Variants in GTF3C3 observed in about 807,000 individuals in gnomAD.
GTF3C3 encodes general transcription factor 3C polypeptide 3.
In GTF3C3, 75 loss-of-function variants were observed where a neutral mutation model predicts 105.2. That is an observed-to-expected ratio of 0.71 (90% CI 0.59 to 0.86). The LOEUF (loss-of-function observed/expected upper bound fraction) is 0.86, where lower values mean the gene tolerates loss of function less well. GTF3C3 is among the 40% of genes least tolerant of loss of function. GTF3C3 has a pLI of 0.00. For synonymous variants in GTF3C3, 335 were observed against 370.4 expected, an observed-to-expected ratio of 0.90 and a Z score of 1.10; for missense variants, 856 against 1,076.5, an observed-to-expected ratio of 0.80 and a Z score of 2.87.
At chr2:196,768,564 G>C (rs1402134819) in intron 16 of GTF3C3, among the ~76,000 whole-genome samples, 1 of 151,964 alleles carries the variant, frequency 6.6e-6, no homozygotes, top group African/African-American at 2.4e-5. Context: ...CTTGTAGCAA[G>C]AAGAAAGAAA....
chr2:196,797,960 T>C (rs561831742), intron 1 of GTF3C3, 52 bp from the exon 2 acceptor site: 1 of 1,021,154 alleles, frequency 9.8e-7, no homozygotes. Flanking sequence ...GACTTAGCTC[T>C]CCCCAGCCAC....
chr2:196,775,653 C>A (rs942634568), intron 12 of GTF3C3, among the ~76,000 whole-genome samples: 5 of 152,182 alleles, frequency 3.3e-5, no homozygotes, highest in Admixed American at 1.3e-4. Context: ...CCCAGAGATA[C>A]ACCCACAGAG....
intron 4 of GTF3C3, 135 bp downstream of exon 4, chr2:196,791,202 G>C (rs890074248): frequency 4.5e-6 from 3 of 659,736 alleles, no homozygotes; most frequent in Non-Finnish European, 7.4e-6. Context: ...CTTGTGAAAA[G>C]TGGCAATTAC....
rs995246295 is a variant in GTF3C3 at position 196,764,100 on chromosome 2, A to ATTT, written c.*460_*462dup. The stretch of plus-strand genomic sequence containing the variant: ...GCCTACCACATAACTATTTTAAATA[A>ATTT]TTTTCTTAGGTGCTTAGTTATCATG... On this transcript the variant is annotated 3_prime_UTR_variant, in exon 18 of 18. Coordinates refer to ENST00000263956, the MANE Select transcript of GTF3C3 (RefSeq NM_012086.5). 6.6e-6 allele frequency: 1 copy of ATTT among 152,236 alleles called. No individual in the cohort carries two copies. Among genetic ancestry groups the ATTT allele is most frequent in the African/African-American group, 2.4e-5 (1 of 41,456 alleles). The allele number at this position is 152,236 out of a possible 1,614,324, so 9.4% of individuals were successfully genotyped here. A position where few individuals can be genotyped will look rare whatever the true frequency, so the allele number is the denominator to read the frequency against.
intron 15 of GTF3C3, among the ~76,000 whole-genome samples, chr2:196,771,112 CTTT>C (rs752960909): frequency 2.0e-5 from 3 of 151,830 alleles, no homozygotes; most frequent in African/African-American, 7.2e-5. Flanking sequence ...TTTGCTTCTT[CTTT>C]AATTTTTTTT....
chr2:196,771,521 C>A (rs538151276), intron 15 of GTF3C3, among the ~76,000 whole-genome samples: 9 of 152,100 alleles, frequency 5.9e-5, no homozygotes, highest in Non-Finnish European at 1.2e-4. Flanking sequence ...ACTATATGTG[C>A]CAGGCACTGT....
chr2:196,797,308 G>A (rs993705560), intron 2 of GTF3C3, among the ~76,000 whole-genome samples: 4 of 152,204 alleles, frequency 2.6e-5, no homozygotes, highest in Non-Finnish European at 5.9e-5. Flanking sequence ...ATGCAAAGCT[G>A]AGGACTGGAT....
intron 2 of GTF3C3, among the ~76,000 whole-genome samples, chr2:196,796,357 C>G (rs987697853): frequency 2.0e-5 from 3 of 152,156 alleles, no homozygotes; most frequent in Non-Finnish European, 2.9e-5. Context: ...CTTTTGGGAG[C>G]AGCTTTAGGT....
At chr2:196,798,173 TA>T (rs745914235) in intron 1 of GTF3C3, among the ~76,000 whole-genome samples, 8 of 151,340 alleles carry the variant, frequency 5.3e-5, no homozygotes, top group African/African-American at 7.3e-5. Flanking sequence ...CTGTCATTTG[TA>T]AAAAAAAATA....
At chr2:196,778,670 G>C (rs1318377822) in intron 10 of GTF3C3, 2 of 548,464 alleles carry the variant, frequency 3.6e-6, no homozygotes, top group Non-Finnish European at 6.5e-6. Flanking sequence ...AGGGAAATGT[G>C]AGTCCTTCAA....
chr2:196,772,765 G>C, intron 14 of GTF3C3, 151 bp downstream of exon 14: 1 of 526,058 alleles, frequency 1.9e-6, no homozygotes, highest in South Asian at 3.1e-5. Flanking sequence ...TCTGGTCCTA[G>C]AGTGCATCTT....
chr2:196,796,839 G>A (rs1185136998), intron 2 of GTF3C3, among the ~76,000 whole-genome samples: 1 of 152,066 alleles, frequency 6.6e-6, no homozygotes, highest in African/African-American at 2.4e-5. Flanking sequence ...CCCTGCAAAG[G>A]ACATGATCTC....
chr2:196,784,525 T>C (rs1294966858), intron 8 of GTF3C3, among the ~76,000 whole-genome samples: 1 of 152,138 alleles, frequency 6.6e-6, no homozygotes, highest in Non-Finnish European at 1.5e-5. Flanking sequence ...TAGGTCCTAT[T>C]TGAAAAGTAA....
chr2:196,765,903 A>G (rs897299621), intron 17 of GTF3C3, among the ~76,000 whole-genome samples: 1 of 150,270 alleles, frequency 6.7e-6, no homozygotes. Flanking sequence ...CCAGCTACTC[A>G]GGAGGCTGAG....
chr2:196,798,679 T>C (rs1237808476), intron 1 of GTF3C3, among the ~76,000 whole-genome samples: 2 of 151,936 alleles, frequency 1.3e-5, no homozygotes, highest in Non-Finnish European at 2.9e-5. Flanking sequence ...CTGGCCAACA[T>C]GGTGAAACCC....
intron 8 of GTF3C3, among the ~76,000 whole-genome samples, chr2:196,781,359 T>TAG (rs1439829279): frequency 1.6e-5 from 1 of 62,430 alleles, no homozygotes; most frequent in Non-Finnish European, 3.1e-5. Flanking sequence ...AAAAAAAAAA[T>TAG]ATATATATAT....
At chr2:196,791,150 T>C (rs1458801506) in intron 4 of GTF3C3, among the ~76,000 whole-genome samples, 187 bp downstream of exon 4, 1 of 152,218 alleles carries the variant, frequency 6.6e-6, no homozygotes, top group Non-Finnish European at 1.5e-5. Context: ...TCAACAAATA[T>C]TAATGACATC....
chr2:196,797,778 G>T lies in GTF3C3; in HGVS notation c.214+19C>A. ...ATACTCTAAACATTCATTGCAGGAA[G>T]CACATAATTTTAACATACCTTCATT... On this transcript the variant is annotated intron_variant, in intron 2 of 17. Coordinates refer to ENST00000263956, the MANE Select transcript of GTF3C3 (RefSeq NM_012086.5). The T allele has an allele frequency of 7.9e-7, 1 of 1,267,646 alleles. No homozygotes were observed. The highest frequency in any genetic ancestry group is 1.2e-6 in the Non-Finnish European group (1 of 863,852). 78.5% of individuals were successfully genotyped at this position (1,267,646 alleles called of 1,614,324 possible).
rs146760255 is a variant in GTF3C3 at position 196,782,146 on chromosome 2, G to T, written c.1115-1484C>A. ...GGTGGGTCTTGGGAGGTGCCTATGT[G>T]GGTGGGATTTGTGCCCTTGTAAAAG... On this transcript the variant is annotated intron_variant, in intron 8 of 17. Coordinates refer to ENST00000263956, the MANE Select transcript of GTF3C3 (RefSeq NM_012086.5). Among the ~76,000 whole-genome samples, 5 of 152,294 alleles carry T rather than the reference G, an allele frequency of 3.3e-5. No homozygotes were observed. In the East Asian group the frequency reaches 9.7e-4, roughly 29 times the overall value.
Sources: gnomAD v4.1 joint callset for allele counts (sites outside exome capture counted in the v4.1 genomes callset) on GRCh38, gnomAD v4.1.1 for gene constraint, MANE v1.5 for transcripts, NCBI Gene and HGNC (gene_info 2026-07-23, HGNC 2026-07-21) for gene names.